The following ANKRD49 variants were observed in gnomAD, a reference collection of about 807,000 sequenced individuals.
ANKRD49 encodes ankyrin repeat domain-containing protein 49.
Under a neutral mutation model 19.6 loss-of-function variants are expected in ANKRD49, and 18 were observed. The ratio of observed to expected loss-of-function variants is 0.92; its 90% CI spans 0.63 to 1.36. The LOEUF (loss-of-function observed/expected upper bound fraction) is 1.36, where lower values mean the gene tolerates loss of function less well. Ranked by LOEUF, ANKRD49 falls within the 40% of genes most tolerant of loss-of-function variation. The pLI is 0.00. For synonymous variants in ANKRD49, 88 were observed against 101.8 expected (o/e 0.86, Z 0.82); for missense variants, 218 against 281.6 (o/e 0.77, Z 1.62).
At position 94,495,166 on chromosome 11, in the gene ANKRD49, T is replaced by C. The variant is rs369143172; in HGVS notation, c.-91+1131T>C. 1.8e-4 allele frequency among the ~76,000 whole-genome samples: 28 copies of C among 152,304 alleles called. No individual in the cohort carries two copies. The East Asian group carries it at 4.6e-3, about 25-fold the overall frequency. On this transcript the variant is annotated intron_variant, in intron 1 of 2. Coordinates refer to ENST00000544612, the MANE Select transcript of ANKRD49 (RefSeq NM_017704.3). ...TTGAGTTTAGTGCTATTGCCACTAG[T>C]AATAAAGTTTAATACCACATTAAGA...
chr11:94,498,568 G>T lies in ANKRD49; in HGVS notation c.*36G>T. On this transcript the variant is annotated 3_prime_UTR_variant, in exon 3 of 3. Transcript: ENST00000544612. ...AATTTTCCTAAGTTTCTAAATACCA[G>T]TGCCTCCTGTGTGTGAGATGTATTC... The T allele has an allele frequency of 6.5e-7, 1 of 1,528,360 alleles. No individual in the cohort carries two copies. Among genetic ancestry groups the T allele is most frequent in the East Asian group, 2.3e-5 (1 of 44,438 alleles). 94.7% of individuals were successfully genotyped at this position (1,528,360 alleles called of 1,614,324 possible).
chr11:94,498,010 T>G, intron 2 of ANKRD49, 61 bp from the exon 3 acceptor site: 1 of 1,294,948 alleles, frequency 7.7e-7, no homozygotes, highest in African/African-American at 1.5e-5. Flanking sequence ...ACAAGACAAT[T>G]TTGTTTTAGT....
intron 1 of ANKRD49, 130 bp from the exon 2 acceptor site, chr11:94,496,474 T>G: frequency 2.2e-6 from 1 of 459,854 alleles, no homozygotes; most frequent in Non-Finnish European, 3.8e-6. Context: ...ATTTAGTGTA[T>G]GTAAGGGATA....
chr11:94,498,701 A>G lies in ANKRD49; in HGVS notation c.*169A>G, dbSNP rs1947452714. Reference sequence around the variant, plus strand: ...ACTTTGATGTCAAAATGTATTTGAAAGTAATTTGCATATATCTTTAATTAT... The same window carrying G: ...ACTTTGATGTCAAAATGTATTTGAAGGTAATTTGCATATATCTTTAATTAT... On this transcript the variant is annotated 3_prime_UTR_variant, in exon 3 of 3. Coordinates refer to ENST00000544612, the MANE Select transcript of ANKRD49 (RefSeq NM_017704.3). 13 of 628,790 alleles carry G rather than the reference A, an allele frequency of 2.1e-5. No homozygotes were observed. The South Asian group carries it at 2.7e-4, about 13-fold the overall frequency. 39.0% of individuals were successfully genotyped at this position (628,790 alleles called of 1,614,324 possible).
At position 94,498,778 on chromosome 11, in the gene ANKRD49, C is replaced by T; in HGVS notation, c.*246C>T. On this transcript the variant is annotated 3_prime_UTR_variant, in exon 3 of 3. Coordinates refer to ENST00000544612, the MANE Select transcript of ANKRD49 (RefSeq NM_017704.3). ...CAGAAATAATTTTAATGTGTGTATA[C>T]TTAAAAACTTGACACGGGTTGTACA... is the stretch of plus-strand genomic sequence containing the variant. 1 of 481,000 alleles carries T rather than the reference C, an allele frequency of 2.1e-6. No homozygotes were observed. Among genetic ancestry groups the T allele is most frequent in the African/African-American group, 2.0e-5 (1 of 50,652 alleles). The allele number at this position is 481,000 out of a possible 1,614,324, so 29.8% of individuals were successfully genotyped here. A position where few individuals can be genotyped will look rare whatever the true frequency, so the allele number is the denominator to read the frequency against.
At position 94,496,721 on chromosome 11, in the gene ANKRD49, G is replaced by A. The variant is rs1947422913; in HGVS notation, c.28G>A (p.Gly10Arg). 2.5e-6 allele frequency: 4 copies of A among 1,597,366 alleles called. No individual in the cohort carries two copies. The highest frequency in any genetic ancestry group is 1.7e-4 in the Middle Eastern group (1 of 5,966). Residue 10 changes from glycine (G) to arginine (R), a missense_variant, in exon 2 of 3, where the codon GGA becomes AGA. By Grantham distance (125) the Gly-to-Arg change is moderately radical. Coordinates refer to ENST00000544612, the MANE Select transcript of ANKRD49 (RefSeq NM_017704.3). The stretch of plus-strand genomic sequence containing the variant: ...GGAAAAAGAAAAAGGAAATGATGAT[G>A]GAATACCAGACCAAGAGAATTCCTT... MEKEKGNDD[G>R]IPDQENSLDF... is the part of the protein sequence containing the mutation.
chr11:94,498,552 A>T lies in ANKRD49; in HGVS notation c.*20A>T. The T allele has an allele frequency of 1.3e-6, 2 of 1,581,970 alleles. No individual in the cohort carries two copies. The highest frequency in any genetic ancestry group is 1.7e-6 in the Non-Finnish European group (2 of 1,161,136). ...TCTTAACAATTCTAGTAATTTTCCT[A>T]AGTTTCTAAATACCAGTGCCTCCTG... is the stretch of plus-strand genomic sequence containing the variant. On this transcript the variant is annotated 3_prime_UTR_variant, in exon 3 of 3. Transcript: ENST00000544612.
intron 2 of ANKRD49, 29 bp from the exon 3 acceptor site, chr11:94,498,042 G>A: frequency 6.6e-7 from 1 of 1,515,928 alleles, no homozygotes; most frequent in Non-Finnish European, 8.8e-7. Context: ...TTTGAGTTGA[G>A]TTGAAAGATT....
At position 94,498,445 on chromosome 11, in the gene ANKRD49, T is replaced by A. The variant is rs749169445; in HGVS notation, c.633T>A (p.Thr211=). The change falls in exon 3 of 3, where the codon ACT becomes ACA. Residue 211 remains threonine, a synonymous_variant. Transcript: ENST00000544612. The part of the protein sequence containing the change: ...KPGLKNNLEE[T]AFDIARRTSI... ...GGCTGAAAAACAACTTGGAAGAAAC[T>A]GCATTTGATATTGCCAGGAGGACAA... The A allele has an allele frequency of 6.2e-7, 1 of 1,613,816 alleles. No individual in the cohort carries two copies. The highest frequency in any genetic ancestry group is 8.5e-7 in the Non-Finnish European group (1 of 1,179,876).
In ANKRD49 at chr11:94,498,617, C is replaced by A; in HGVS notation, c.*85C>A. 1 of 1,165,880 alleles carries A rather than the reference C, an allele frequency of 8.6e-7. No homozygotes were observed. The highest frequency in any genetic ancestry group is 1.2e-6 in the Non-Finnish European group (1 of 818,474). 72.2% of individuals were successfully genotyped at this position (1,165,880 alleles called of 1,614,324 possible). On this transcript the variant is annotated 3_prime_UTR_variant, in exon 3 of 3. Coordinates refer to ENST00000544612, the MANE Select transcript of ANKRD49 (RefSeq NM_017704.3). Reference sequence around the variant, plus strand: ...TCCCATAATCAAAGTTGACGTCAAACATCTTACTACAAAAATTCAGTGACA... The same window carrying A: ...TCCCATAATCAAAGTTGACGTCAAAAATCTTACTACAAAAATTCAGTGACA...
chr11:94,495,183 A>G (rs1160090554), intron 1 of ANKRD49, among the ~76,000 whole-genome samples: 1 of 152,198 alleles, frequency 6.6e-6, no homozygotes, highest in Non-Finnish European at 1.5e-5. Flanking sequence ...GTTTAATACC[A>G]CATTAAGATT....
chr11:94,496,973 G>GGAA, intron 2 of ANKRD49, 22 bp downstream of exon 2: 3 of 1,611,552 alleles, frequency 1.9e-6, no homozygotes, highest in Non-Finnish European at 2.5e-6. Flanking sequence ...AATTACAGAG[G>GGAA]GAAGTGTGAC....
In ANKRD49 at chr11:94,496,902, TG is replaced by T; in HGVS notation, c.211del (p.Glu71LysfsTer31). The T allele has an allele frequency of 6.2e-7, 1 of 1,610,258 alleles. No individual in the cohort carries two copies. Among genetic ancestry groups the T allele is most frequent in the Non-Finnish European group, 8.5e-7 (1 of 1,178,952 alleles). On this transcript the variant is annotated frameshift_variant, in exon 2 of 3. Transcript: ENST00000544612. LOFTEE classifies it high-confidence loss of function. Reference sequence around the variant, plus strand: ...TGGTATCGATTGCAAGAAAAAAAAATGGAAAAAGACCCAAGCAGATTGCTTC... The same window carrying T: ...TGGTATCGATTGCAAGAAAAAAAAATGAAAAAGACCCAAGCAGATTGCTTC... ...EEWYRLQEKK[M>X]EKDPSRLLLW...
intron 2 of ANKRD49, 162 bp downstream of exon 2, chr11:94,497,113 T>C (rs1270706606): frequency 2.2e-6 from 2 of 894,748 alleles, no homozygotes; most frequent in Non-Finnish European, 1.8e-6. Flanking sequence ...CAAAGTGTCA[T>C]GCTAGGTATT....
chr11:94,496,659 T>G lies in ANKRD49; in HGVS notation c.-35T>G. On this transcript the variant is annotated 5_prime_UTR_variant, in exon 2 of 3. Transcript: ENST00000544612. The stretch of plus-strand genomic sequence containing the variant: ...CTCTAGAAAGATTTATATCCTGGCA[T>G]TTGAAATGCTTTTTATTTAGAATAG... 1 of 1,512,922 alleles carries G rather than the reference T, an allele frequency of 6.6e-7. No individual in the cohort carries two copies. The highest frequency in any genetic ancestry group is 8.8e-7 in the Non-Finnish European group (1 of 1,131,376). The allele number at this position is 1,512,922 out of a possible 1,614,324, so 93.7% of individuals were successfully genotyped here. A position where few individuals can be genotyped will look rare whatever the true frequency, so the allele number is the denominator to read the frequency against.
In ANKRD49 at chr11:94,498,828, A is replaced by G. The variant is rs1947454539; in HGVS notation, c.*296A>G. The G allele has an allele frequency of 3.0e-6, 1 of 337,524 alleles. No individual in the cohort carries two copies. Among genetic ancestry groups the G allele is most frequent in the Non-Finnish European group, 5.4e-6 (1 of 184,900 alleles). The allele number at this position is 337,524 out of a possible 1,614,324, so 20.9% of individuals were successfully genotyped here. ...AGAAACTGGTATTTTTGGTGCTGAT[A>G]CAAGAGAAATGTATTTTTAAATATC... On this transcript the variant is annotated 3_prime_UTR_variant, in exon 3 of 3. Coordinates refer to ENST00000544612, the MANE Select transcript of ANKRD49 (RefSeq NM_017704.3).
chr11:94,498,794 G>T lies in ANKRD49; in HGVS notation c.*262G>T. On this transcript the variant is annotated 3_prime_UTR_variant, in exon 3 of 3. Transcript: ENST00000544612. ...GTGTGTATACTTAAAAACTTGACAC[G>T]GGTTGTACAGAAACTGGTATTTTTG... 1 of 420,896 alleles carries T rather than the reference G, an allele frequency of 2.4e-6. No individual in the cohort carries two copies. The allele number at this position is 420,896 out of a possible 1,614,324, so 26.1% of individuals were successfully genotyped here. A position where few individuals can be genotyped will look rare whatever the true frequency, so the allele number is the denominator to read the frequency against.
chr11:94,495,326 A>T (rs770188199), intron 1 of ANKRD49, among the ~76,000 whole-genome samples: 1 of 152,204 alleles, frequency 6.6e-6, no homozygotes, highest in Non-Finnish European at 1.5e-5. Flanking sequence ...AATGCTACAC[A>T]TACTTCTTAA....
At chr11:94,497,672 C>T (rs1212443204) in intron 2 of ANKRD49, 1 of 162,938 alleles carries the variant, frequency 6.1e-6, no homozygotes, top group African/African-American at 2.4e-5. Context: ...AAGTTTCATA[C>T]AGTGTGTATA....
Sources: gnomAD v4.1 joint callset for allele counts (sites outside exome capture counted in the v4.1 genomes callset) on GRCh38, gnomAD v4.1.1 for gene constraint, MANE v1.5 for transcripts, NCBI Gene and HGNC (gene_info 2026-07-23, HGNC 2026-07-21) for gene names.